Variants in UBE2D2 observed in about 807,000 individuals in gnomAD.
UBE2D2 encodes the protein ubiquitin-conjugating enzyme E2 D2.
A neutral mutation model predicts 24.2 loss-of-function variants in UBE2D2; 2 were observed. The observed-to-expected ratio is 0.08, with a 90% CI of 0.03 to 0.26. UBE2D2 has a LOEUF of 0.26. UBE2D2 is among the 10% of genes least tolerant of loss of function. The pLI is 1.00. For synonymous variants in UBE2D2, 58 were observed against 56.5 expected, an observed-to-expected ratio of 1.03 and a Z score of -0.12; for missense variants, 44 against 177.6, an observed-to-expected ratio of 0.25 and a Z score of 4.28.
At chr5:139,571,148 C>G (rs1250343162) in intron 1 of UBE2D2, among the ~76,000 whole-genome samples, 2 of 152,028 alleles carry the variant, frequency 1.3e-5, no homozygotes, top group African/African-American at 2.4e-5. Context: ...GTGGCTCATG[C>G]CTGTAATCCC....
intron 1 of UBE2D2, among the ~76,000 whole-genome samples, chr5:139,598,806 C>T (rs1441511767): frequency 6.6e-6 from 1 of 151,564 alleles, no homozygotes; most frequent in South Asian, 2.1e-4. Flanking sequence ...AAGTGATTGG[C>T]GCCACCTTGG....
intron 1 of UBE2D2, among the ~76,000 whole-genome samples, chr5:139,533,511 G>A (rs953990596): frequency 6.6e-6 from 1 of 151,856 alleles, no homozygotes; most frequent in Non-Finnish European, 1.5e-5. Context: ...TTAGCTGGGC[G>A]TGGTGTCTGG....
intron 1 of UBE2D2, among the ~76,000 whole-genome samples, chr5:139,565,071 T>C (rs943940707): frequency 2.0e-5 from 3 of 152,198 alleles, no homozygotes; most frequent in African/African-American, 4.8e-5. Context: ...TCTTGAACCT[T>C]CCCAATTATC....
chr5:139,581,123 A>G (rs972709992), intron 1 of UBE2D2, among the ~76,000 whole-genome samples: 1 of 152,120 alleles, frequency 6.6e-6, no homozygotes, highest in African/African-American at 2.4e-5. Flanking sequence ...GTGTTCCTAT[A>G]GTCCTGGAGT....
At chr5:139,537,329 A>G (rs570028532) in intron 1 of UBE2D2, among the ~76,000 whole-genome samples, 1 of 152,162 alleles carries the variant, frequency 6.6e-6, no homozygotes, top group Admixed American at 6.5e-5. Flanking sequence ...ATTGTGATTG[A>G]TTGTTATGCT....
chr5:139,578,777 C>T (rs1753536238), intron 1 of UBE2D2, among the ~76,000 whole-genome samples: 1 of 152,074 alleles, frequency 6.6e-6, no homozygotes, highest in African/African-American at 2.4e-5. Flanking sequence ...GGTATATGAT[C>T]CCATGGCTGC....
chr5:139,603,908 C>T (rs1380923963), intron 2 of UBE2D2, among the ~76,000 whole-genome samples: 1 of 151,932 alleles, frequency 6.6e-6, no homozygotes, highest in African/African-American at 2.4e-5. Flanking sequence ...GAGATCACGC[C>T]ATTGCACTCC....
intron 1 of UBE2D2, among the ~76,000 whole-genome samples, chr5:139,564,187 C>T (rs930283567): frequency 6.6e-6 from 1 of 152,030 alleles, no homozygotes; most frequent in Non-Finnish European, 1.5e-5. Context: ...GAGTTTCAGT[C>T]TTGTCGCCCA....
rs1753085596 is a variant in UBE2D2, at chr5:139,561,436, A to C, written c.-356A>C. The C allele has an allele frequency of 4.0e-6, 1 of 248,722 alleles. No individual in the cohort carries two copies. The highest frequency in any genetic ancestry group is 7.7e-6 in the Non-Finnish European group (1 of 129,816). The allele number at this position is 248,722 out of a possible 1,614,324, so 15.4% of individuals were successfully genotyped here. A position where few individuals can be genotyped will look rare whatever the true frequency, so the allele number is the denominator to read the frequency against. On this transcript the variant is annotated 5_prime_UTR_variant, in exon 1 of 7. Coordinates refer to ENST00000398733, the MANE Select transcript of UBE2D2 (RefSeq NM_003339.3). ...CAATCCCTCCGGCTGTCCGACCAAGAGAGGCCGGCCGAGCCCGAGGCTTGG... is the reference window on the plus strand; with the variant it reads ...CAATCCCTCCGGCTGTCCGACCAAGCGAGGCCGGCCGAGCCCGAGGCTTGG...
chr5:139,594,807 T>G (rs1753926678), intron 1 of UBE2D2, among the ~76,000 whole-genome samples: 1 of 152,204 alleles, frequency 6.6e-6, no homozygotes, highest in African/African-American at 2.4e-5. Context: ...TATACATTCC[T>G]GCCTCAGTAT....
chr5:139,592,374 T>C (rs1753862626), intron 1 of UBE2D2, among the ~76,000 whole-genome samples: 2 of 152,080 alleles, frequency 1.3e-5, no homozygotes, highest in Admixed American at 1.3e-4. Context: ...GCTTTTTAAC[T>C]CATCAGACAT....
intron 1 of UBE2D2, among the ~76,000 whole-genome samples, chr5:139,568,470 T>C (rs1015446509): frequency 3.3e-5 from 5 of 150,400 alleles, no homozygotes; most frequent in Non-Finnish European, 5.9e-5. Context: ...CCATCCTGGC[T>C]AACACGGTGA....
chr5:139,561,999 C>T, intron 1 of UBE2D2, 184 bp downstream of exon 1: 5 of 943,546 alleles, frequency 5.3e-6, no homozygotes, highest in Non-Finnish European at 7.4e-6. Flanking sequence ...GCGCAGCCCG[C>T]GCTTAGGCCG....
intron 1 of UBE2D2, among the ~76,000 whole-genome samples, chr5:139,543,460 C>T (rs76888952): frequency 2.2e-3 from 338 of 152,336 alleles, no homozygotes; most frequent in African/African-American, 7.7e-3. Flanking sequence ...CCACGTAGAT[C>T]CTGGATTGCA....
In UBE2D2 at chr5:139,561,734, C is replaced by T. The variant is rs1392275501; in HGVS notation, c.-58C>T. The T allele has an allele frequency of 4.4e-6, 6 of 1,363,674 alleles. No homozygotes were observed. Among genetic ancestry groups the T allele is most frequent in the South Asian group, 1.4e-5 (1 of 72,568 alleles). The allele number at this position is 1,363,674 out of a possible 1,614,324, so 84.5% of individuals were successfully genotyped here. A position where few individuals can be genotyped will look rare whatever the true frequency, so the allele number is the denominator to read the frequency against. On this transcript the variant is annotated 5_prime_UTR_variant, in exon 1 of 7. Transcript: ENST00000398733. The stretch of plus-strand genomic sequence containing the variant: ...CGGCCTCAGGCTCCCTAGCCCCTTC[C>T]CCGTCCCTTCCCCGCCCCCGTCCCC...
chr5:139,561,778 AC>A lies in UBE2D2; in HGVS notation c.-11del. On this transcript the variant is annotated 5_prime_UTR_variant, in exon 1 of 7. Coordinates refer to ENST00000398733, the MANE Select transcript of UBE2D2 (RefSeq NM_003339.3). ...CGTCCCCGCCCCGGGGGCCGCCGCC[AC>A]CCGCCTCCCACCATGGCTCTGAAGA... 1 of 1,123,964 alleles carries A rather than the reference AC, an allele frequency of 8.9e-7. No homozygotes were observed. The highest frequency in any genetic ancestry group is 1.1e-6 in the Non-Finnish European group (1 of 872,246). The allele number at this position is 1,123,964 out of a possible 1,614,324, so 69.6% of individuals were successfully genotyped here.
rs546039606 is a variant in UBE2D2, at chr5:139,579,030, C to T, written c.24+17215C>T. Among the ~76,000 whole-genome samples the T allele has an allele frequency of 1.2e-3, 180 of 152,322 alleles. 1 individual carries two copies. The highest frequency in any genetic ancestry group is 6.8e-3 in the Middle Eastern group (2 of 294). ...TTGCCCAGGCTGGAGTGTAGTGGCA[C>T]AATCTCAGCTCACTGCAACCTCTGC... On this transcript the variant is annotated intron_variant, in intron 1 of 6. Transcript: ENST00000398733.
chr5:139,582,666 A>ATTT (rs1195507116), intron 1 of UBE2D2, among the ~76,000 whole-genome samples: 33 of 112,324 alleles, frequency 2.9e-4, no homozygotes, highest in East Asian at 4.6e-4. Context: ...TTAGATTCGA[A>ATTT]TTTTTTTTTT....
chr5:139,559,713 T>G (rs1753032470), upstream of UBE2D2, among the ~76,000 whole-genome samples: 1 of 152,170 alleles, frequency 6.6e-6, no homozygotes, highest in African/African-American at 2.4e-5. Flanking sequence ...TTCTTCTCTA[T>G]AAATTCAGGA....
Sources: gnomAD v4.1 joint callset for allele counts (sites outside exome capture counted in the v4.1 genomes callset) on GRCh38, gnomAD v4.1.1 for gene constraint, MANE v1.5 for transcripts, NCBI Gene and HGNC (gene_info 2026-07-23, HGNC 2026-07-21) for gene names.